KCNMB2: variants seen among roughly 807,000 people sequenced by gnomAD.
KCNMB2 encodes potassium calcium-activated channel subfamily M regulatory beta subunit 2.
Under a neutral mutation model 24.5 loss-of-function variants are expected in KCNMB2, and 9 were observed. The observed-to-expected ratio is 0.37, with a 90% confidence interval of 0.22 to 0.64. KCNMB2 has a LOEUF of 0.64. Among genes scored for constraint, KCNMB2 ranks in the 30% least tolerant of loss-of-function variants. KCNMB2 has a pLI of 0.63. For synonymous variants in KCNMB2, 109 were observed against 104.4 expected (o/e 1.04, Z -0.27); for missense variants, 226 against 284.3 (o/e 0.79, Z 1.47).
At chr3:178,569,734 A>T (rs925601206) in intron 1 of KCNMB2, among the ~76,000 whole-genome samples, 4 of 152,248 alleles carry the variant, frequency 2.6e-5, no homozygotes, top group Non-Finnish European at 5.9e-5. Flanking sequence ...GTAAATATTT[A>T]GGATAATGAA....
In KCNMB2 at chr3:178,780,301, G is replaced by A. The variant is rs557398273; in HGVS notation, c.-67-27042G>A. The stretch of plus-strand genomic sequence containing the variant: ...ATCTGGAATCAGTCTTCTCCCTAAG[G>A]AATCTTTATTCCTTATAGGAACAAT... On this transcript the variant is annotated intron_variant, in intron 1 of 4. Coordinates refer to ENST00000452583, the MANE Select transcript of KCNMB2 (RefSeq NM_181361.3). Among the ~76,000 whole-genome samples, 8 of 152,104 alleles carry A rather than the reference G, an allele frequency of 5.3e-5. No homozygotes were observed. In the East Asian group the frequency reaches 1.5e-3, roughly 29 times the overall value.
chr3:178,804,985 T>G (rs1713908769), intron 1 of KCNMB2, among the ~76,000 whole-genome samples: 1 of 152,244 alleles, frequency 6.6e-6, no homozygotes, highest in Admixed American at 6.5e-5. Context: ...CTATTTGATA[T>G]TTTAGAGATG....
At chr3:178,545,767 TG>T (rs1326100723) in intron 1 of KCNMB2, among the ~76,000 whole-genome samples, 3 of 90,352 alleles carry the variant, frequency 3.3e-5, no homozygotes, top group Non-Finnish European at 8.4e-5. Flanking sequence ...GTCTCTGGAT[TG>T]TTTGTTTGTT....
At chr3:178,757,312 C>G (rs56854350) in intron 1 of KCNMB2, among the ~76,000 whole-genome samples, 5 of 81,344 alleles carry the variant, frequency 6.1e-5, no homozygotes, top group Admixed American at 1.4e-4. Context: ...ATATATCCAT[C>G]CAAGAGGACA....
At chr3:178,673,067 CT>C (rs1316217127) in intron 1 of KCNMB2, among the ~76,000 whole-genome samples, 3 of 152,114 alleles carry the variant, frequency 2.0e-5, no homozygotes, top group Admixed American at 1.3e-4. Context: ...ATTTTTCCTT[CT>C]CTCTTACCCA....
chr3:178,604,459 A>G (rs1477775), intron 1 of KCNMB2, among the ~76,000 whole-genome samples: 24,874 of 151,862 alleles, frequency 0.16, 2,175 homozygotes, highest in South Asian at 0.27. Context: ...TATAGCATGC[A>G]GCCAACAGCA....
At chr3:178,613,259 A>G (rs934013791) in intron 1 of KCNMB2, among the ~76,000 whole-genome samples, 35 of 152,244 alleles carry the variant, frequency 2.3e-4, no homozygotes, top group Admixed American at 7.2e-4. Context: ...TTAGTGGGGC[A>G]TGGTGGTGGG....
chr3:178,620,079 A>G (rs1718853262), intron 1 of KCNMB2, among the ~76,000 whole-genome samples: 3 of 152,312 alleles, frequency 2.0e-5, no homozygotes, highest in Middle Eastern at 6.8e-3. Flanking sequence ...GACTTATTCT[A>G]TGGAAAAAGA....
chr3:178,689,479 C>CA (rs1262308794), intron 1 of KCNMB2, among the ~76,000 whole-genome samples: 3 of 152,070 alleles, frequency 2.0e-5, no homozygotes, highest in Non-Finnish European at 2.9e-5. Flanking sequence ...ACTAAAAATA[C>CA]AAAAAAGTTA....
At chr3:178,703,415 T>C (rs915261508) in intron 1 of KCNMB2, among the ~76,000 whole-genome samples, 1 of 151,858 alleles carries the variant, frequency 6.6e-6, no homozygotes, top group Non-Finnish European at 1.5e-5. Context: ...AAAAGGAAGG[T>C]ATTTAGTTCT....
At chr3:178,764,321 CT>C (rs35050041) in intron 1 of KCNMB2, among the ~76,000 whole-genome samples, 1 of 152,162 alleles carries the variant, frequency 6.6e-6, no homozygotes, top group East Asian at 1.9e-4. Flanking sequence ...TCATGCACCT[CT>C]TTTTTGGTCA....
At chr3:178,769,615 G>A (rs537758840) in intron 1 of KCNMB2, among the ~76,000 whole-genome samples, 3 of 152,304 alleles carry the variant, frequency 2.0e-5, no homozygotes, top group African/African-American at 4.8e-5. Flanking sequence ...ACTTGATTTC[G>A]TAAAAATGTT....
At chr3:178,792,082 C>G (rs946821791) in intron 1 of KCNMB2, among the ~76,000 whole-genome samples, 1 of 152,076 alleles carries the variant, frequency 6.6e-6, no homozygotes, top group African/African-American at 2.4e-5. Context: ...AGTACACAGA[C>G]AAACTCAGAA....
At chr3:178,715,875 C>G (rs1176078596) in intron 1 of KCNMB2, among the ~76,000 whole-genome samples, 1 of 152,158 alleles carries the variant, frequency 6.6e-6, no homozygotes, top group Non-Finnish European at 1.5e-5. Context: ...CCTGGGAGAA[C>G]AGAAGTCAAC....
chr3:178,777,769 T>C (rs1712643143), intron 1 of KCNMB2, among the ~76,000 whole-genome samples: 1 of 152,244 alleles, frequency 6.6e-6, no homozygotes, highest in Non-Finnish European at 1.5e-5. Flanking sequence ...GGGCTTCATA[T>C]GTCACCTAAC....
intron 2 of KCNMB2, among the ~76,000 whole-genome samples, chr3:178,811,479 T>C (rs568965022): frequency 2.0e-5 from 3 of 152,356 alleles, no homozygotes. Context: ...CCATATTTAT[T>C]CTGCAACTTG....
At chr3:178,565,233 A>G (rs1348391495) in intron 1 of KCNMB2, among the ~76,000 whole-genome samples, 1 of 152,162 alleles carries the variant, frequency 6.6e-6, no homozygotes, top group Non-Finnish European at 1.5e-5. Flanking sequence ...GTTCTGTATT[A>G]TTTAAACTAT....
In KCNMB2 at chr3:178,740,184, T is replaced by C. The variant is rs561850274; in HGVS notation, c.-67-67159T>C. Among the ~76,000 whole-genome samples, 5 of 152,114 alleles carry C rather than the reference T, an allele frequency of 3.3e-5. No individual in the cohort carries two copies. In the East Asian group the frequency reaches 7.8e-4, roughly 24 times the overall value. On this transcript the variant is annotated intron_variant, in intron 1 of 4. Coordinates refer to ENST00000452583, the MANE Select transcript of KCNMB2 (RefSeq NM_181361.3). ...CCCAGGCTGGAGTGCAATGGTGCGATCTCAGCTCACTGTAAGCTCTGCCTC... is the reference window on the plus strand; with the variant it reads ...CCCAGGCTGGAGTGCAATGGTGCGACCTCAGCTCACTGTAAGCTCTGCCTC...
At chr3:178,792,957 A>C (rs1713383751) in intron 1 of KCNMB2, among the ~76,000 whole-genome samples, 1 of 152,138 alleles carries the variant, frequency 6.6e-6, no homozygotes, top group Non-Finnish European at 1.5e-5. Context: ...CAGCCTTCCC[A>C]TCTTGGCTGC....
Sources: gnomAD v4.1 joint callset for allele counts (sites outside exome capture counted in the v4.1 genomes callset) on GRCh38, gnomAD v4.1.1 for gene constraint, MANE v1.5 for transcripts, NCBI Gene and HGNC (gene_info 2026-07-23, HGNC 2026-07-21) for gene names.